ZNF189: variants seen among roughly 807,000 people sequenced by gnomAD.
The protein encoded by ZNF189 is zinc finger protein 189.
In ZNF189, 33 loss-of-function variants were observed where a neutral mutation model predicts 53.5. The ratio of observed to expected loss-of-function variants is 0.62; its 90% CI spans 0.47 to 0.82. ZNF189 has a LOEUF of 0.82. Ranked by LOEUF, ZNF189 falls within the 40% of genes least tolerant of loss-of-function variation. ZNF189 has a pLI of 0.00. For missense variants in ZNF189, 711 were observed against 753.9 expected, an observed-to-expected ratio of 0.94 and a Z score of 0.67; for synonymous variants, 247 against 238.8, an observed-to-expected ratio of 1.03 and a Z score of -0.32.
chr9:101,400,665 T>C (rs779665895), intron 2 of ZNF189, among the ~76,000 whole-genome samples: 66 of 152,378 alleles, frequency 4.3e-4, no homozygotes, highest in Admixed American at 3.1e-3. Context: ...ACTCGTGCCA[T>C]GGATGACCCA....
chr9:101,400,781 A>G (rs913804487), intron 2 of ZNF189, among the ~76,000 whole-genome samples: 1 of 152,210 alleles, frequency 6.6e-6, no homozygotes, highest in Non-Finnish European at 1.5e-5. Context: ...GCAAATCGTA[A>G]ATCCCAATAC....
rs1381614910 is a variant in ZNF189, at chr9:101,398,914, C to T, written c.-243C>T. 1 of 599,850 alleles carries T rather than the reference C, an allele frequency of 1.7e-6. No individual in the cohort carries two copies. The allele number at this position is 599,850 out of a possible 1,614,324, so 37.2% of individuals were successfully genotyped here. On this transcript the variant is annotated 5_prime_UTR_variant, in exon 1 of 3. Transcript: ENST00000339664. ...CAGCGGGGAGGAGGCTCTAGCGAGGCCTGAAAGGCTGCGTAACCAGGCAGG... is the reference window on the plus strand; with the variant it reads ...CAGCGGGGAGGAGGCTCTAGCGAGGTCTGAAAGGCTGCGTAACCAGGCAGG...
At chr9:101,407,850 T>C in intron 2 of ZNF189, 79 bp from the exon 3 acceptor site, 1 of 1,379,042 alleles carries the variant, frequency 7.3e-7, no homozygotes, top group Non-Finnish European at 9.6e-7. Flanking sequence ...TATTTGTTTC[T>C]TTGTTTGCCC....
At chr9:101,405,721 T>C (rs1299363173) in intron 2 of ZNF189, among the ~76,000 whole-genome samples, 4 of 151,826 alleles carry the variant, frequency 2.6e-5, no homozygotes, top group Non-Finnish European at 5.9e-5. Context: ...AAACAGATAA[T>C]GTCAAGAAAT....
chr9:101,406,852 G>A (rs1202629390), intron 2 of ZNF189, among the ~76,000 whole-genome samples: 1 of 152,174 alleles, frequency 6.6e-6, no homozygotes, highest in East Asian at 1.9e-4. Context: ...ATAGACCACT[G>A]TGCTGTCTTT....
In ZNF189 at chr9:101,399,057, G is replaced by T. The variant is rs1391419587; in HGVS notation, c.-100G>T. On this transcript the variant is annotated 5_prime_UTR_variant, in exon 1 of 3. Transcript: ENST00000339664. ...TGGCCAGACCCAGCCAGGGATCCTCGTATTCGTCGAGCCTAATTTCCAGCA... is the reference window on the plus strand; with the variant it reads ...TGGCCAGACCCAGCCAGGGATCCTCTTATTCGTCGAGCCTAATTTCCAGCA... The T allele has an allele frequency of 3.5e-6, 3 of 856,450 alleles. No homozygotes were observed. The highest frequency in any genetic ancestry group is 5.9e-6 in the Non-Finnish European group (3 of 505,854). 53.1% of individuals were successfully genotyped at this position (856,450 alleles called of 1,614,324 possible). A position where few individuals can be genotyped will look rare whatever the true frequency, so the allele number is the denominator to read the frequency against.
At chr9:101,404,840 G>A (rs557902031) in intron 2 of ZNF189, among the ~76,000 whole-genome samples, 5 of 152,034 alleles carry the variant, frequency 3.3e-5, no homozygotes, top group African/African-American at 7.2e-5. Flanking sequence ...GACAAATAAC[G>A]AACAGTTAAA....
chr9:101,407,661 C>T lies in ZNF189; in HGVS notation c.161-268C>T, dbSNP rs1248432613. 8 of 431,744 alleles carry T rather than the reference C, an allele frequency of 1.9e-5. No individual in the cohort carries two copies. In the South Asian group the frequency reaches 6.8e-4, roughly 36 times the overall value. 26.7% of individuals were successfully genotyped at this position (431,744 alleles called of 1,614,324 possible). On this transcript the variant is annotated intron_variant, in intron 2 of 2. Transcript: ENST00000339664. ...CCTCCCACCTCACTCTCCCAAAATG[C>T]TGGGATTACAGGCATGAGCCACTAT...
chr9:101,407,595 C>G (rs1830761547), intron 2 of ZNF189: 1 of 406,180 alleles, frequency 2.5e-6, no homozygotes, highest in Non-Finnish European at 4.3e-6. Context: ...TGAAGTCTCA[C>G]TGTTGCCCAG....
intron 2 of ZNF189, among the ~76,000 whole-genome samples, chr9:101,403,897 A>G (rs1176072320): frequency 6.6e-6 from 1 of 152,184 alleles, no homozygotes; most frequent in Non-Finnish European, 1.5e-5. Flanking sequence ...ACACTGTCTT[A>G]TCTCTTTTTT....
intron 2 of ZNF189, 66 bp from the exon 3 acceptor site, chr9:101,407,863 C>G: frequency 7.0e-7 from 1 of 1,419,416 alleles, no homozygotes; most frequent in African/African-American, 1.4e-5. Context: ...GTTTGCCCAT[C>G]TTACTTTGTT....
At chr9:101,404,844 A>C (rs1002674942) in intron 2 of ZNF189, among the ~76,000 whole-genome samples, 5 of 152,244 alleles carry the variant, frequency 3.3e-5, no homozygotes, top group African/African-American at 1.2e-4. Context: ...AATAACGAAC[A>C]GTTAAAAAAT....
chr9:101,399,821 C>A, intron 1 of ZNF189, 63 bp from the exon 2 acceptor site: 2 of 1,609,190 alleles, frequency 1.2e-6, no homozygotes, highest in South Asian at 2.2e-5. Context: ...GCCTCTGTCA[C>A]TTTTAGTGGT....
At chr9:101,406,242 G>T in intron 2 of ZNF189, among the ~76,000 whole-genome samples, 1 of 151,946 alleles carries the variant, frequency 6.6e-6, no homozygotes, top group Admixed American at 6.6e-5. Flanking sequence ...TTTTTTCAAT[G>T]CTTGGCTTTC....
At position 101,409,575 on chromosome 9, in the gene ZNF189, G is replaced by A. The variant is rs777410356; in HGVS notation, c.1807G>A (p.Ala603Thr). The A allele has an allele frequency of 3.8e-5, 61 of 1,613,936 alleles. No individual in the cohort carries two copies. Among genetic ancestry groups the A allele is most frequent in the South Asian group, 1.6e-4 (15 of 91,042 alleles). Residue 603 changes from alanine to threonine, a missense_variant, in exon 3 of 3, where the codon GCT becomes ACT. By Grantham distance (58) the Ala-to-Thr change is moderately conservative (BLOSUM62 0). Coordinates refer to ENST00000339664, the MANE Select transcript of ZNF189 (RefSeq NM_003452.4). The part of the protein sequence containing the change: ...VKTQETHECD[A>T]CGEAFNCRIS... ...AACCCAAGAAACCCATGAATGTGAC[G>A]CTTGTGGTGAAGCCTTTAATTGCCG...
Position 101,409,839 on chromosome 9 carries a change from C to G in ZNF189, c.*190C>G, listed in dbSNP as rs930416623. 1.7e-6 allele frequency: 1 copy of G among 588,910 alleles called. No individual in the cohort carries two copies. Among genetic ancestry groups the G allele is most frequent in the African/African-American group, 1.9e-5 (1 of 52,814 alleles). The allele number at this position is 588,910 out of a possible 1,614,324, so 36.5% of individuals were successfully genotyped here. On this transcript the variant is annotated 3_prime_UTR_variant, in exon 3 of 3. Transcript: ENST00000339664. ...TTGACTTCCCTTACTCTTTGATGATCGTAGAGAAAGACTTGGTAATTTATC... is the reference window on the plus strand; with the variant it reads ...TTGACTTCCCTTACTCTTTGATGATGGTAGAGAAAGACTTGGTAATTTATC...
At position 101,400,945 on chromosome 9, in the gene ZNF189, A is replaced by T. The variant is rs112396804; in HGVS notation, c.160+935A>T. On this transcript the variant is annotated intron_variant, in intron 2 of 2. Coordinates refer to ENST00000339664, the MANE Select transcript of ZNF189 (RefSeq NM_003452.4). ...CACCTAAACCCATTCATTATTAACGATGTTTCCTGTCCCTTGACGTCTCTG... is the reference window on the plus strand; with the variant it reads ...CACCTAAACCCATTCATTATTAACGTTGTTTCCTGTCCCTTGACGTCTCTG... Among the ~76,000 whole-genome samples, 598 of 152,226 alleles carry T rather than the reference A, an allele frequency of 3.9e-3. 7 individuals are homozygous for T. Among genetic ancestry groups the T allele is most frequent in the African/African-American group, 0.014 (576 of 41,540 alleles).
chr9:101,402,246 T>C lies in ZNF189; in HGVS notation c.160+2236T>C, dbSNP rs185646956. 1.4e-3 allele frequency among the ~76,000 whole-genome samples: 218 copies of C among 151,892 alleles called. 1 individual carries two copies. Among genetic ancestry groups the C allele is most frequent in the African/African-American group, 5.0e-3 (208 of 41,424 alleles). The stretch of plus-strand genomic sequence containing the variant: ...CTTTATTTCCACCTAAGAAAGGTAA[T>C]GTGGAGCCTAACTGCCTAGGTTTAA... On this transcript the variant is annotated intron_variant, in intron 2 of 2. Transcript: ENST00000339664.
In ZNF189 at chr9:101,408,789, G is replaced by A. The variant is rs759177868; in HGVS notation, c.1021G>A (p.Glu341Lys). The A allele has an allele frequency of 4.5e-5, 73 of 1,613,960 alleles. No homozygotes were observed. Among genetic ancestry groups the A allele is most frequent in the East Asian group, 1.1e-4 (5 of 44,886 alleles). Residue 341 changes from glutamate to lysine, a missense_variant, in exon 3 of 3, where the codon GAG becomes AAG. Coordinates refer to ENST00000339664, the MANE Select transcript of ZNF189 (RefSeq NM_003452.4). ...ACAACACCAAAAAATTCACACTGGCGAGAAGCCTTTTCTTTGTATTGAGTG... is the reference window on the plus strand; with the variant it reads ...ACAACACCAAAAAATTCACACTGGCAAGAAGCCTTTTCTTTGTATTGAGTG... ...LIQHQKIHTGEKPFLCIECGK... is the reference protein window; with the variant it reads ...LIQHQKIHTGKKPFLCIECGK...
Sources: gnomAD v4.1 joint callset for allele counts (sites outside exome capture counted in the v4.1 genomes callset) on GRCh38, gnomAD v4.1.1 for gene constraint, MANE v1.5 for transcripts, NCBI Gene and HGNC (gene_info 2026-07-23, HGNC 2026-07-21) for gene names.